The following UIMC1 variants were observed in gnomAD, a reference collection of about 807,000 sequenced individuals.
UIMC1 encodes the protein ubiquitin interaction motif containing 1, also known as BRCA1-A complex subunit RAP80.
UIMC1 carries 42 observed loss-of-function variants against 84.9 expected under a neutral mutation model. The ratio of observed to expected loss-of-function variants is 0.49; its 90% CI spans 0.39 to 0.64. UIMC1 has a LOEUF of 0.64. UIMC1 is among the 30% of genes least tolerant of loss of function. UIMC1 has a pLI of 0.00. For synonymous variants in UIMC1, 281 were observed against 293.0 expected, an observed-to-expected ratio of 0.96 and a Z score of 0.42; for missense variants, 825 against 847.6, an observed-to-expected ratio of 0.97 and a Z score of 0.33.
At chr5:176,905,712 C>A (rs1365797125) in intron 14 of UIMC1, 3 of 637,820 alleles carry the variant, frequency 4.7e-6, no homozygotes, top group Non-Finnish European at 7.9e-6. Context: ...GAACTGAGAT[C>A]CAAATTCCCA....
intron 10 of UIMC1, among the ~76,000 whole-genome samples, chr5:176,941,239 C>T (rs1477752089): frequency 2.0e-5 from 3 of 152,036 alleles, no homozygotes; most frequent in African/African-American, 7.2e-5. Context: ...ACAGAAAAAG[C>T]AGAATATAAA....
chr5:176,908,400 G>C, intron 12 of UIMC1, 123 bp downstream of exon 12: 1 of 985,390 alleles, frequency 1.0e-6, no homozygotes, highest in East Asian at 2.8e-5. Flanking sequence ...CACAAATCTT[G>C]TTTCAAGATA....
intron 10 of UIMC1, among the ~76,000 whole-genome samples, chr5:176,915,793 C>CAAAAAAA (rs58297107): frequency 0.036 from 1,477 of 40,846 alleles, no homozygotes; most frequent in Middle Eastern, 0.062. Flanking sequence ...GGTCACAAAG[C>CAAAAAAA]AAAAAAAAAA....
chr5:176,997,206 T>G (rs1773732996), intron 1 of UIMC1, among the ~76,000 whole-genome samples: 2 of 151,966 alleles, frequency 1.3e-5, no homozygotes, highest in Admixed American at 1.3e-4. Context: ...CTCCTATACC[T>G]CTCTTTAAGC....
intron 1 of UIMC1, among the ~76,000 whole-genome samples, chr5:176,987,324 C>T (rs1772176371): frequency 2.0e-5 from 3 of 152,086 alleles, no homozygotes; most frequent in South Asian, 4.1e-4. Flanking sequence ...ATATGCTAGA[C>T]ATAAACAATC....
At chr5:176,936,915 A>G (rs1763777187) in intron 10 of UIMC1, among the ~76,000 whole-genome samples, 1 of 152,126 alleles carries the variant, frequency 6.6e-6, no homozygotes, top group South Asian at 2.1e-4. Context: ...CACTTGAAAT[A>G]TTGTATATTT....
chr5:176,921,027 T>C (rs1761640597), intron 10 of UIMC1, among the ~76,000 whole-genome samples: 1 of 152,240 alleles, frequency 6.6e-6, no homozygotes, highest in Non-Finnish European at 1.5e-5. Context: ...TCTGTGTCCA[T>C]TTAGATATCG....
At chr5:176,923,198 A>G (rs992106449) in intron 10 of UIMC1, among the ~76,000 whole-genome samples, 1 of 152,246 alleles carries the variant, frequency 6.6e-6, no homozygotes, top group Non-Finnish European at 1.5e-5. Context: ...CAAGCCTAGT[A>G]CCTGAGAGAA....
At chr5:176,972,275 G>A (rs547346722) in intron 3 of UIMC1, among the ~76,000 whole-genome samples, 2 of 151,910 alleles carry the variant, frequency 1.3e-5, no homozygotes, top group Non-Finnish European at 2.9e-5. Flanking sequence ...GGTGGTGAGC[G>A]CCTATAGTCC....
At chr5:176,965,171 C>T (rs1182501068) in intron 6 of UIMC1, among the ~76,000 whole-genome samples, 1 of 152,106 alleles carries the variant, frequency 6.6e-6, no homozygotes, top group African/African-American at 2.4e-5. Flanking sequence ...CCTGTAATCC[C>T]AGCACTTTCG....
intron 8 of UIMC1, 69 bp from the exon 9 acceptor site, chr5:176,951,646 T>C: frequency 8.2e-7 from 1 of 1,213,492 alleles, no homozygotes; most frequent in African/African-American, 1.6e-5. Flanking sequence ...AAAACAAACA[T>C]GCCTATTTTC....
chr5:177,019,470 T>C (rs1581743075), intron 1 of UIMC1, among the ~76,000 whole-genome samples: 1 of 151,426 alleles, frequency 6.6e-6, no homozygotes, highest in East Asian at 2.0e-4. Context: ...ACCCTGTCTC[T>C]ACAAAAAAAA....
At chr5:176,986,598 G>A (rs1180532978) in intron 1 of UIMC1, among the ~76,000 whole-genome samples, 1 of 147,022 alleles carries the variant, frequency 6.8e-6, no homozygotes, top group African/African-American at 2.5e-5. Context: ...CCAGTATTTT[G>A]GGAGACCAAA....
intron 1 of UIMC1, among the ~76,000 whole-genome samples, chr5:176,986,214 G>C (rs949796085): frequency 6.6e-6 from 1 of 151,576 alleles, no homozygotes; most frequent in Non-Finnish European, 1.5e-5. Context: ...ACAAAAATTA[G>C]CTCGGCGTGG....
chr5:176,973,579 CAA>C (rs779224466), intron 3 of UIMC1, among the ~76,000 whole-genome samples: 15 of 78,368 alleles, frequency 1.9e-4, no homozygotes, highest in Non-Finnish European at 2.6e-4. Context: ...GACCCTGTCT[CAA>C]AAAAAAAAAA....
At chr5:176,993,651 C>T (rs1027616842) in intron 1 of UIMC1, among the ~76,000 whole-genome samples, 4 of 152,120 alleles carry the variant, frequency 2.6e-5, no homozygotes, top group African/African-American at 9.7e-5. Context: ...ACAACCACAA[C>T]ATATGTATAT....
intron 1 of UIMC1, among the ~76,000 whole-genome samples, chr5:176,999,893 T>A (rs1020605311): frequency 9.2e-5 from 14 of 152,180 alleles, no homozygotes; most frequent in Admixed American, 9.2e-4. Context: ...ATATACTGAT[T>A]TCCTTTCTTT....
At chr5:176,956,298 T>C (rs912574095) in intron 7 of UIMC1, among the ~76,000 whole-genome samples, 8 of 152,198 alleles carry the variant, frequency 5.3e-5, no homozygotes, top group Admixed American at 2.0e-4. Context: ...CAAAGGAAGG[T>C]TGAAGGGTGA....
chr5:176,953,675 A>T (rs1159941245), intron 8 of UIMC1, among the ~76,000 whole-genome samples: 1 of 152,202 alleles, frequency 6.6e-6, no homozygotes, highest in Non-Finnish European at 1.5e-5. Context: ...GTCTTCAATT[A>T]TGCTTTCTGT....
Sources: gnomAD v4.1 joint callset for allele counts (sites outside exome capture counted in the v4.1 genomes callset) on GRCh38, gnomAD v4.1.1 for gene constraint, MANE v1.5 for transcripts, NCBI Gene and HGNC (gene_info 2026-07-23, HGNC 2026-07-21) for gene names.